The following KCNJ12 variants were observed in gnomAD, a reference collection of about 807,000 sequenced individuals.
KCNJ12 encodes the protein potassium inwardly rectifying channel subfamily J member 12, also known as ATP-sensitive inward rectifier potassium channel 12.
In KCNJ12, 2 loss-of-function variants were observed where a neutral mutation model predicts 22.3. The ratio of observed to expected loss-of-function variants is 0.09; its 90% CI spans 0.04 to 0.28. The LOEUF is 0.28. Among genes scored for constraint, KCNJ12 ranks in the 10% least tolerant of loss-of-function variants. The pLI is 1.00. For missense variants in KCNJ12, 155 were observed against 633.3 expected, an observed-to-expected ratio of 0.24 and a Z score of 8.11; for synonymous variants, 117 against 261.4, an observed-to-expected ratio of 0.45 and a Z score of 5.33.
intron 1 of KCNJ12, among the ~76,000 whole-genome samples, chr17:21,403,890 G>A (rs1234509932): frequency 1.3e-5 from 2 of 152,306 alleles, no homozygotes; most frequent in African/African-American, 4.8e-5. Flanking sequence ...ATGGAGACAG[G>A]ATTTGAATTC....
intron 1 of KCNJ12, among the ~76,000 whole-genome samples, chr17:21,403,688 G>A (rs1239410941): frequency 6.6e-6 from 1 of 152,290 alleles, no homozygotes; most frequent in Non-Finnish European, 1.5e-5. Context: ...GGGTGAGGCA[G>A]AGGCTCATAG....
rs1431348372 is a variant in KCNJ12 at position 21,419,205 on chromosome 17, G to C, written c.*2561G>C. On this transcript the variant is annotated 3_prime_UTR_variant, in exon 3 of 3. Transcript: ENST00000583088. Reference sequence around the variant, plus strand: ...TGTGTGTGGAGGCGTGTGCCTGTGTGAGCCTGCATGCATACATGTGTGGTG... The same window carrying C: ...TGTGTGTGGAGGCGTGTGCCTGTGTCAGCCTGCATGCATACATGTGTGGTG... 1.2e-5 allele frequency: 2 copies of C among 167,008 alleles called. No individual in the cohort carries two copies. The highest frequency in any genetic ancestry group is 2.9e-5 in the Non-Finnish European group (2 of 68,152). The allele number at this position is 167,008 out of a possible 1,614,324, so 10.3% of individuals were successfully genotyped here.
chr17:21,415,383 C>T lies in KCNJ12; in HGVS notation c.41C>T (p.Ser14Leu), dbSNP rs782209781. 12 of 1,612,428 alleles carry T rather than the reference C, an allele frequency of 7.4e-6. No individual in the cohort carries two copies. The African/African-American group carries it at 1.2e-4, about 16-fold the overall frequency. ...CGGGCCAACCCCTACAGCATCGTGT[C>T]ATCGGAGGAGGACGGGCTGCACCTG... The part of the protein sequence containing the change: ...ASRANPYSIV[S>L]SEEDGLHLVT... The change falls in exon 3 of 3, where the codon TCA (serine) becomes TTA (leucine). Residue 14 changes from serine to leucine, a missense_variant. Ser to Leu is a moderately radical substitution (Grantham distance 145, BLOSUM62 -2). Coordinates refer to ENST00000583088, the MANE Select transcript of KCNJ12 (RefSeq NM_021012.5).
chr17:21,383,580 C>T (rs1555558284), intron 1 of KCNJ12, among the ~76,000 whole-genome samples: 1 of 152,144 alleles, frequency 6.6e-6, no homozygotes. Context: ...GAAATAGGGC[C>T]TGGGAGGGGC....
At chr17:21,400,605 C>T (rs1458614291) in intron 1 of KCNJ12, among the ~76,000 whole-genome samples, 5 of 152,420 alleles carry the variant, frequency 3.3e-5, no homozygotes, top group South Asian at 4.1e-4. Context: ...GATGGGTGGG[C>T]GAGGGGCCAG....
At chr17:21,414,137 G>A in intron 2 of KCNJ12, among the ~76,000 whole-genome samples, 1 of 152,308 alleles carries the variant, frequency 6.6e-6, no homozygotes, top group Non-Finnish European at 1.5e-5. Flanking sequence ...TGTTCAAAGT[G>A]GGTGGCGACA....
At chr17:21,402,389 C>A (rs1905668948) in intron 1 of KCNJ12, among the ~76,000 whole-genome samples, 1 of 152,300 alleles carries the variant, frequency 6.6e-6, no homozygotes, top group Non-Finnish European at 1.5e-5. Flanking sequence ...GCATGTGGGC[C>A]CCCAGGCATG....
At chr17:21,402,414 T>G (rs1252683274) in intron 1 of KCNJ12, among the ~76,000 whole-genome samples, 1 of 152,298 alleles carries the variant, frequency 6.6e-6, no homozygotes, top group Non-Finnish European at 1.5e-5. Flanking sequence ...CAGCACATAG[T>G]AGAGGCTGGG....
intron 1 of KCNJ12, among the ~76,000 whole-genome samples, chr17:21,387,240 A>G (rs1905097300): frequency 6.6e-6 from 1 of 151,966 alleles, no homozygotes; most frequent in South Asian, 2.1e-4. Flanking sequence ...CAGGAGATCG[A>G]GACCATCCTG....
At chr17:21,378,885 G>A (rs1555557596) in intron 1 of KCNJ12, among the ~76,000 whole-genome samples, 3 of 152,118 alleles carry the variant, frequency 2.0e-5, no homozygotes, top group African/African-American at 7.2e-5. Context: ...GCCCCGGAGG[G>A]GACCCCTCCA....
In KCNJ12 at chr17:21,376,801, A is replaced by AG. The variant is rs71160136; in HGVS notation, c.-289dup. ...TGGAGCGCCCCCGGGAGCTGCCCTGAGGCGGTGGCGGCAGCGGCGGCGATG... is the reference window on the plus strand; with the variant it reads ...TGGAGCGCCCCCGGGAGCTGCCCTGAGGGCGGTGGCGGCAGCGGCGGCGATG... On this transcript the variant is annotated 5_prime_UTR_variant, in exon 1 of 3. Transcript: ENST00000583088. This position sits in a 1 kb window ranked among gnomAD's most constrained non-coding sequence, Gnocchi z 5.3. The AG allele has an allele frequency of 0.66, 100,085 of 151,044 alleles. 33,499 individuals are homozygous for AG. Among genetic ancestry groups the AG allele is most frequent in the South Asian group, 0.78 (3,779 of 4,828 alleles). The allele number at this position is 151,044 out of a possible 1,614,324, so 9.4% of individuals were successfully genotyped here. A position where few individuals can be genotyped will look rare whatever the true frequency, so the allele number is the denominator to read the frequency against.
chr17:21,385,563 C>T (rs1905045161), intron 1 of KCNJ12, among the ~76,000 whole-genome samples: 1 of 152,216 alleles, frequency 6.6e-6, no homozygotes, highest in African/African-American at 2.4e-5. Context: ...GCCTTGAAGA[C>T]CACTGGAGGC....
chr17:21,408,201 T>G (rs1195951685), intron 1 of KCNJ12, among the ~76,000 whole-genome samples: 1 of 152,300 alleles, frequency 6.6e-6, no homozygotes, highest in Admixed American at 6.5e-5. Flanking sequence ...TCCAACCTTG[T>G]GTAATTGTGA....
chr17:21,400,686 C>G (rs1905560171), intron 1 of KCNJ12, among the ~76,000 whole-genome samples: 1 of 152,312 alleles, frequency 6.6e-6, no homozygotes, highest in East Asian at 1.9e-4. Context: ...CCCTCTGATC[C>G]AGCGTGCTGA....
At chr17:21,410,824 C>T (rs1396846440) in intron 2 of KCNJ12, among the ~76,000 whole-genome samples, 21 of 152,426 alleles carry the variant, frequency 1.4e-4, no homozygotes, top group South Asian at 4.1e-4. Flanking sequence ...CCTAGGCTTC[C>T]GTCTGCTCAT....
chr17:21,410,544 A>G (rs1322797817), intron 2 of KCNJ12, among the ~76,000 whole-genome samples: 1 of 152,424 alleles, frequency 6.6e-6, no homozygotes, highest in African/African-American at 2.4e-5. Context: ...ATCATGAGGT[A>G]GAGTGCCCCA....
In KCNJ12 at chr17:21,415,354, C is replaced by A. The variant is rs1555562326; in HGVS notation, c.12C>A (p.Ala4=). 3.1e-6 allele frequency: 5 copies of A among 1,608,928 alleles called. No homozygotes were observed. The highest frequency in any genetic ancestry group is 4.2e-6 in the Non-Finnish European group (5 of 1,179,928). The change falls in exon 3 of 3, where the codon GCC becomes GCA. Residue 4 remains alanine, a synonymous_variant. Transcript: ENST00000583088. The part of the protein sequence containing the change: MTA[A]SRANPYSIVS... ...CCCCAACCCCCGGGATGACCGCGGC[C>A]AGCCGGGCCAACCCCTACAGCATCG...
At chr17:21,407,993 T>TCCATCCATCCATCCATC (rs112788755) in intron 1 of KCNJ12, among the ~76,000 whole-genome samples, 2 of 134,468 alleles carry the variant, frequency 1.5e-5, no homozygotes, top group South Asian at 2.5e-4. Context: ...CACCCATCCA[T>TCCATCCATCCATCCATC]CATCCATCCA....
At chr17:21,397,764 C>T (rs1343193603) in intron 1 of KCNJ12, among the ~76,000 whole-genome samples, 2 of 152,182 alleles carry the variant, frequency 1.3e-5, no homozygotes, top group Non-Finnish European at 2.9e-5. Context: ...TCAGCCAGTG[C>T]GGCCTGACTC....
Sources: gnomAD v4.1 joint callset for allele counts (sites outside exome capture counted in the v4.1 genomes callset) on GRCh38, gnomAD v4.1.1 for gene constraint, Gnocchi (gnomAD v3.1) non-coding constraint, MANE v1.5 for transcripts, NCBI Gene and HGNC (gene_info 2026-07-23, HGNC 2026-07-21) for gene names.